Variants in SLC24A2 observed in about 807,000 individuals in gnomAD.
SLC24A2 encodes solute carrier family 24 member 2, also known as sodium/potassium/calcium exchanger 2.
Under a neutral mutation model 62.0 loss-of-function variants are expected in SLC24A2, and 36 were observed. The ratio of observed to expected loss-of-function variants is 0.58; its 90% confidence interval spans 0.44 to 0.77. The LOEUF is 0.77. SLC24A2 is among the 30% of genes least tolerant of loss of function. The pLI is 0.00. For synonymous variants in SLC24A2, 358 were observed against 294.0 expected (o/e 1.22, Z -2.23); for missense variants, 846 against 817.9 (o/e 1.03, Z -0.42).
At chr9:20,069,231 C>G in the SLC24A2 span, among the ~76,000 whole-genome samples, 64 of 152,324 alleles carry the variant, frequency 4.2e-4, no homozygotes, top group African/African-American at 1.4e-3. Flanking sequence ...GGGATGCTTT[C>G]ATATGCACAG....
At chr9:19,850,679 T>G in the SLC24A2 span, among the ~76,000 whole-genome samples, 1 of 151,974 alleles carries the variant, frequency 6.6e-6, no homozygotes, top group East Asian at 1.9e-4. Context: ...TAAATTTGCA[T>G]GATCTGGATA....
intron 2 of SLC24A2, among the ~76,000 whole-genome samples, chr9:19,661,672 T>C (rs1331989189): frequency 6.6e-6 from 1 of 152,146 alleles, no homozygotes; most frequent in African/African-American, 2.4e-5. Context: ...GAATAATCAA[T>C]CCTCTGAGTT....
At chr9:19,879,552 T>C in the SLC24A2 span, among the ~76,000 whole-genome samples, 1 of 152,214 alleles carries the variant, frequency 6.6e-6, no homozygotes, top group Non-Finnish European at 1.5e-5. Flanking sequence ...TTTACATATC[T>C]GAATAGTAAT....
intron 2 of SLC24A2, among the ~76,000 whole-genome samples, chr9:19,645,538 A>C (rs1484249371): frequency 6.6e-6 from 1 of 152,180 alleles, no homozygotes; most frequent in Admixed American, 6.5e-5. Context: ...TTTTAAAAAC[A>C]TAGTGGCAAT....
the SLC24A2 span, among the ~76,000 whole-genome samples, chr9:20,125,965 G>T: frequency 6.6e-6 from 1 of 152,174 alleles, no homozygotes; most frequent in Non-Finnish European, 1.5e-5. Flanking sequence ...GGGAGGGCTG[G>T]TGCTGGCTAG....
chr9:19,874,011 T>C, the SLC24A2 span, among the ~76,000 whole-genome samples: 1 of 152,120 alleles, frequency 6.6e-6, no homozygotes, highest in African/African-American at 2.4e-5. Context: ...AAACTACAGA[T>C]TTCAATTTAA....
the SLC24A2 span, among the ~76,000 whole-genome samples, chr9:19,963,902 A>G: frequency 2.6e-5 from 4 of 152,172 alleles, no homozygotes; most frequent in Admixed American, 1.3e-4. Context: ...TCATGCTGCT[A>G]TAAAGACACA....
chr9:20,045,648 C>T, the SLC24A2 span, among the ~76,000 whole-genome samples: 2 of 151,978 alleles, frequency 1.3e-5, no homozygotes, highest in African/African-American at 2.4e-5. Flanking sequence ...GGCCAGGCTG[C>T]TCTTGAATTC....
chr9:19,735,800 T>G (rs531863672), intron 2 of SLC24A2, among the ~76,000 whole-genome samples: 2 of 151,440 alleles, frequency 1.3e-5, no homozygotes, highest in African/African-American at 4.9e-5. Context: ...TAGGTGGGAA[T>G]TGAACAATGA....
At chr9:20,054,840 C>G in the SLC24A2 span, among the ~76,000 whole-genome samples, 97,007 of 152,000 alleles carry the variant, frequency 0.64, 31,858 homozygotes, top group East Asian at 0.95. Context: ...CCAGTAGATA[C>G]AACAGTCAGC....
the SLC24A2 span, among the ~76,000 whole-genome samples, chr9:19,862,414 A>C: frequency 4.9e-3 from 749 of 152,248 alleles, 14 homozygotes; most frequent in Admixed American, 0.044. Context: ...TTTCATCAAC[A>C]CTAGACCTGT....
the SLC24A2 span, among the ~76,000 whole-genome samples, chr9:19,827,515 A>C: frequency 6.6e-6 from 1 of 151,258 alleles, no homozygotes; most frequent in Admixed American, 6.6e-5. Context: ...TATATATATA[A>C]AAATTAGCTT....
At chr9:20,085,825 A>G in the SLC24A2 span, among the ~76,000 whole-genome samples, 2 of 152,360 alleles carry the variant, frequency 1.3e-5, no homozygotes, top group Non-Finnish European at 2.9e-5. Flanking sequence ...GCTCATTAGT[A>G]TTAAAAACCT....
rs1416833989 is a variant in SLC24A2, at chr9:19,672,400, G to T, written c.931-50101C>A. Among the ~76,000 whole-genome samples, 4 of 146,002 alleles carry T rather than the reference G, an allele frequency of 2.7e-5. 2 individuals carry two copies. Among genetic ancestry groups the T allele is most frequent in the African/African-American group, 1.1e-4 (4 of 36,916 alleles). On this transcript the variant is annotated intron_variant, in intron 2 of 10. Transcript: ENST00000341998. ...TATCCGTTGTAATAGCTCCTGTTTT[G>T]TTTCTAATTGAGCTTATTTGGGTCT... is the stretch of plus-strand genomic sequence containing the variant.
At chr9:20,280,729 A>G in the SLC24A2 span, among the ~76,000 whole-genome samples, 6 of 152,184 alleles carry the variant, frequency 3.9e-5, no homozygotes, top group Admixed American at 1.3e-4. Context: ...GTTTTAGAAG[A>G]CATAATTAGG....
the SLC24A2 span, among the ~76,000 whole-genome samples, chr9:19,907,872 G>A: frequency 1.3e-5 from 2 of 152,124 alleles, no homozygotes; most frequent in African/African-American, 4.8e-5. Context: ...ATGCTCATGG[G>A]TAGGAAGAAT....
At chr9:20,145,632 AT>A in the SLC24A2 span, among the ~76,000 whole-genome samples, 150,678 of 150,714 alleles carry the variant, frequency 1, 75,321 homozygotes, top group Middle Eastern at 1. Flanking sequence ...CACGTGTGCA[AT>A]TACACATATA....
the SLC24A2 span, among the ~76,000 whole-genome samples, chr9:20,194,589 G>A: frequency 9.2e-5 from 14 of 152,228 alleles, no homozygotes; most frequent in African/African-American, 3.1e-4. Flanking sequence ...ATATCAAATT[G>A]AATATCAGGT....
the SLC24A2 span, among the ~76,000 whole-genome samples, chr9:20,303,107 C>A: frequency 2.0e-5 from 3 of 151,666 alleles, no homozygotes; most frequent in East Asian, 3.9e-4. Flanking sequence ...TACTAAGATA[C>A]ATAGATATAT....
Sources: gnomAD v4.1 joint callset for allele counts (sites outside exome capture counted in the v4.1 genomes callset) on GRCh38, gnomAD v4.1.1 for gene constraint, MANE v1.5 for transcripts, NCBI Gene and HGNC (gene_info 2026-07-23, HGNC 2026-07-21) for gene names.